CCDC178: variants seen among roughly 807,000 people sequenced by gnomAD.
CCDC178 encodes the protein coiled-coil domain containing 178, also known as coiled-coil domain-containing protein 178.
Under a neutral mutation model 117.4 loss-of-function variants are expected in CCDC178, and 126 were observed. The ratio of observed to expected loss-of-function variants is 1.07; its 90% CI spans 0.93 to 1.24. CCDC178 has a LOEUF of 1.24. Among genes scored for constraint, CCDC178 ranks in the 50% most tolerant of loss-of-function variants. The probability of loss-of-function intolerance (pLI) is 0.00; values close to 1 mark genes in which losing one functional copy is unlikely to be tolerated. For synonymous variants in CCDC178, 283 were observed against 313.4 expected (o/e 0.90, Z 1.02); for missense variants, 1,030 against 986.9 (o/e 1.04, Z -0.59).
At chr18:33,421,869 C>A (rs535389653) in intron 2 of CCDC178, among the ~76,000 whole-genome samples, 1 of 152,178 alleles carries the variant, frequency 6.6e-6, no homozygotes, top group South Asian at 2.1e-4. Flanking sequence ...AAAGTTTACA[C>A]ATCAATTGTT....
At chr18:33,260,849 G>A (rs72951037) in intron 14 of CCDC178, among the ~76,000 whole-genome samples, 8,886 of 151,824 alleles carry the variant, frequency 0.059, 370 homozygotes, top group East Asian at 0.12. Flanking sequence ...TGGCACGCTT[G>A]TCACAAATCT....
chr18:33,202,405 A>G (rs1467682955), intron 20 of CCDC178, among the ~76,000 whole-genome samples: 10 of 148,544 alleles, frequency 6.7e-5, no homozygotes, highest in African/African-American at 2.5e-4. Context: ...AAAAAAAAAA[A>G]AAAAAAAAAA....
At chr18:32,963,630 T>G (rs571135471) in intron 22 of CCDC178, among the ~76,000 whole-genome samples, 1 of 152,172 alleles carries the variant, frequency 6.6e-6, no homozygotes, top group East Asian at 1.9e-4. Context: ...ACCCCCTGAC[T>G]ACCTTTTGTC....
intron 21 of CCDC178, among the ~76,000 whole-genome samples, chr18:33,010,415 A>G (rs1193123008): frequency 6.6e-6 from 1 of 152,198 alleles, no homozygotes; most frequent in Non-Finnish European, 1.5e-5. Flanking sequence ...TGGGAAATGA[A>G]CCACAAATAA....
rs142437007 is a variant in CCDC178 at position 33,172,924 on chromosome 18, T to G, written c.2238+38972A>C. ...TTTAATAACTGATATATATCCTTCC[T>G]GTATCATAATTTTATGCTTCTTCAG... On this transcript the variant is annotated intron_variant, in intron 20 of 22. Transcript: ENST00000383096. 2.1e-4 allele frequency among the ~76,000 whole-genome samples: 32 copies of G among 152,346 alleles called. No individual in the cohort carries two copies. The East Asian group carries it at 6.0e-3, about 28-fold the overall frequency.
intron 2 of CCDC178, among the ~76,000 whole-genome samples, chr18:33,423,186 C>A: frequency 6.6e-6 from 1 of 152,102 alleles, no homozygotes; most frequent in East Asian, 1.9e-4. Context: ...GTTAATAATA[C>A]AATTTAAATT....
chr18:33,290,283 C>A (rs768474390), intron 12 of CCDC178, among the ~76,000 whole-genome samples: 18 of 152,120 alleles, frequency 1.2e-4, no homozygotes, highest in Non-Finnish European at 2.2e-4. Context: ...TAAACTATTT[C>A]TACCATATAG....
chr18:32,975,131 C>T (rs187550692), intron 21 of CCDC178, among the ~76,000 whole-genome samples: 1 of 152,168 alleles, frequency 6.6e-6, no homozygotes, highest in Non-Finnish European at 1.5e-5. Context: ...ACCATCACTG[C>T]TTTTTTTCCT....
intron 21 of CCDC178, among the ~76,000 whole-genome samples, chr18:32,976,256 G>C (rs766312568): frequency 1.4e-4 from 22 of 152,092 alleles, no homozygotes; most frequent in Non-Finnish European, 3.1e-4. Flanking sequence ...AGCCAAGCCT[G>C]ACAGTCAATG....
chr18:33,181,152 A>G (rs2058729080), intron 20 of CCDC178, among the ~76,000 whole-genome samples: 1 of 152,028 alleles, frequency 6.6e-6, no homozygotes, highest in Non-Finnish European at 1.5e-5. Flanking sequence ...CAAATAAACA[A>G]GGCATGAATA....
chr18:33,353,549 T>A (rs2063008371), intron 7 of CCDC178, among the ~76,000 whole-genome samples: 1 of 152,094 alleles, frequency 6.6e-6, no homozygotes, highest in Non-Finnish European at 1.5e-5. Flanking sequence ...TGTTTTCCTG[T>A]ACTGTCTAAA....
chr18:33,170,502 C>A (rs1598957508), intron 20 of CCDC178, among the ~76,000 whole-genome samples: 2 of 152,096 alleles, frequency 1.3e-5, no homozygotes, highest in South Asian at 2.1e-4. Context: ...GTAACTACAG[C>A]TTTTGAAATA....
Position 32,981,622 on chromosome 18 carries a change from G to T in CCDC178, c.2389-6941C>A, listed in dbSNP as rs1246323790. Reference sequence around the variant, plus strand: ...TGGCTTAGAATGATTTACTTTCAGAGAATTTATTATAATTTGTTTGTTAAG... The same window carrying T: ...TGGCTTAGAATGATTTACTTTCAGATAATTTATTATAATTTGTTTGTTAAG... On this transcript the variant is annotated intron_variant, in intron 21 of 22. Coordinates refer to ENST00000383096, the MANE Select transcript of CCDC178 (RefSeq NM_001105528.4). Among the ~76,000 whole-genome samples the T allele has an allele frequency of 3.9e-5, 6 of 152,156 alleles. No individual in the cohort carries two copies. In the South Asian group the frequency reaches 1.2e-3, roughly 31 times the overall value.
At chr18:33,144,611 T>G (rs1317994015) in intron 20 of CCDC178, among the ~76,000 whole-genome samples, 1 of 152,172 alleles carries the variant, frequency 6.6e-6, no homozygotes, top group Non-Finnish European at 1.5e-5. Context: ...CTTGTTCCCT[T>G]CATAATCTCC....
intron 21 of CCDC178, among the ~76,000 whole-genome samples, chr18:32,993,366 C>T (rs1568204318): frequency 6.6e-6 from 1 of 152,098 alleles, no homozygotes; most frequent in African/African-American, 2.4e-5. Context: ...CAAAAATTAC[C>T]ACCCTTACTA....
intron 14 of CCDC178, among the ~76,000 whole-genome samples, chr18:33,251,325 T>C (rs1456203970): frequency 6.6e-6 from 1 of 151,790 alleles, no homozygotes; most frequent in Non-Finnish European, 1.5e-5. Context: ...ATTATATCTA[T>C]ACTCCCTATG....
At chr18:33,247,114 G>A (rs1420404531) in intron 14 of CCDC178, among the ~76,000 whole-genome samples, 2 of 150,892 alleles carry the variant, frequency 1.3e-5, no homozygotes, top group African/African-American at 2.4e-5. Context: ...GAGAGACAGA[G>A]TCAGAGAGAC....
In CCDC178 at chr18:33,293,218, T is replaced by A. The variant is rs759622933; in HGVS notation, c.1117A>T (p.Thr373Ser). ...TNIEEKEEEV[T>S]EAIRETKSSK... ...GACTTTGTTTCCCTTATTGCTTCAG[T>A]CACTTCCTCTTCCTTCTCCTCAATA... is the stretch of plus-strand genomic sequence containing the variant. Residue 373 changes from threonine (T) to serine (S), a missense_variant, in exon 12 of 23, where the codon ACT becomes TCT. Coordinates refer to ENST00000383096, the MANE Select transcript of CCDC178 (RefSeq NM_001105528.4). The A allele has an allele frequency of 6.3e-7, 1 of 1,595,644 alleles. No individual in the cohort carries two copies. Among genetic ancestry groups the A allele is most frequent in the Non-Finnish European group, 8.6e-7 (1 of 1,165,368 alleles).
intron 21 of CCDC178, among the ~76,000 whole-genome samples, chr18:33,064,767 T>C (rs12455080): frequency 2.0e-5 from 3 of 152,186 alleles, no homozygotes; most frequent in Admixed American, 1.3e-4. Context: ...TGTACTCCCA[T>C]GTTTATGGCA....
Sources: gnomAD v4.1 joint callset for allele counts (sites outside exome capture counted in the v4.1 genomes callset) on GRCh38, gnomAD v4.1.1 for gene constraint, MANE v1.5 for transcripts, NCBI Gene and HGNC (gene_info 2026-07-23, HGNC 2026-07-21) for gene names.